The following PGAP1 variants were observed in gnomAD, a reference collection of about 807,000 sequenced individuals.
PGAP1 encodes the protein post-GPI attachment to proteins inositol deacylase 1, also known as GPI inositol-deacylase.
In PGAP1, 76 loss-of-function variants were observed where a neutral mutation model predicts 127.0. The observed-to-expected ratio is 0.60, with a 90% CI of 0.50 to 0.72. PGAP1 has a LOEUF of 0.72. Ranked by LOEUF, PGAP1 falls within the 30% of genes least tolerant of loss-of-function variation. PGAP1 has a pLI of 0.00. For synonymous variants in PGAP1, 362 were observed against 366.5 expected (o/e 0.99, Z 0.14); for missense variants, 982 against 1,071.3 (o/e 0.92, Z 1.16).
intron 1 of PGAP1, among the ~76,000 whole-genome samples, chr2:196,925,077 G>C (rs1200478585): frequency 2.0e-5 from 3 of 151,924 alleles, no homozygotes. Context: ...GGTTTGCTTA[G>C]AAATGAACAG....
In PGAP1 at chr2:196,926,597, T is replaced by TAG. The variant is rs1703370240; in HGVS notation, c.19_20insCT (p.Asn7ThrfsTer34). On this transcript the variant is annotated frameshift_variant, in exon 1 of 27. Transcript: ENST00000354764. LOFTEE classifies it high-confidence loss of function. The stretch of plus-strand genomic sequence containing the variant: ...GACATAAAACGCCAGGTTCCAGAGA[T>TAG]TAACTGAGTGAAGAAACATGGTGCC... 4 of 1,613,914 alleles carry TAG rather than the reference T, an allele frequency of 2.5e-6. No homozygotes were observed. The highest frequency in any genetic ancestry group is 3.4e-6 in the Non-Finnish European group (4 of 1,179,994).
intron 5 of PGAP1, among the ~76,000 whole-genome samples, chr2:196,898,918 T>C (rs1451436212): frequency 3.4e-5 from 5 of 148,620 alleles, no homozygotes; most frequent in Non-Finnish European, 7.5e-5. Flanking sequence ...TCCAGGGTTA[T>C]ATATTTTGAA....
intron 13 of PGAP1, among the ~76,000 whole-genome samples, chr2:196,877,404 A>G (rs1701601456): frequency 6.6e-6 from 1 of 152,134 alleles, no homozygotes; most frequent in South Asian, 2.1e-4. Flanking sequence ...GGGGTTGTAC[A>G]ACAGTAGAGT....
At chr2:196,855,269 T>C (rs1700840692) in intron 20 of PGAP1, among the ~76,000 whole-genome samples, 1 of 141,726 alleles carries the variant, frequency 7.1e-6, no homozygotes, top group Non-Finnish European at 1.5e-5. Context: ...GAAGTTGCAG[T>C]GAGCCTAGAT....
At chr2:196,916,687 C>A (rs1703020849) in intron 2 of PGAP1, 94 bp from the exon 3 acceptor site, 1 of 1,228,962 alleles carries the variant, frequency 8.1e-7, no homozygotes, top group South Asian at 2.1e-5. Flanking sequence ...CCTTATCCTG[C>A]ATCACGAATA....
chr2:196,899,649 T>C (rs569439989), intron 5 of PGAP1, among the ~76,000 whole-genome samples: 13 of 152,360 alleles, frequency 8.5e-5, no homozygotes, highest in South Asian at 2.1e-4. Context: ...TTGCTCATGA[T>C]TGTTGTGTTG....
chr2:196,857,533 T>C (rs1177986455), intron 20 of PGAP1, among the ~76,000 whole-genome samples: 1 of 152,172 alleles, frequency 6.6e-6, no homozygotes, highest in Non-Finnish European at 1.5e-5. Context: ...AATCTAACTA[T>C]GGGGTGATTG....
chr2:196,898,961 T>A lies in PGAP1; in HGVS notation c.808-592A>T, dbSNP rs114766360. Among the ~76,000 whole-genome samples, 328 of 151,344 alleles carry A rather than the reference T, an allele frequency of 2.2e-3. 1 individual carries two copies. The highest frequency in any genetic ancestry group is 7.2e-3 in the African/African-American group (297 of 41,278). On this transcript the variant is annotated intron_variant, in intron 5 of 26. Coordinates refer to ENST00000354764, the MANE Select transcript of PGAP1 (RefSeq NM_024989.4). ...AAAATCCCTAGCTGACTAGGATGTA[T>A]ACAACTAGTAAAATATACAAGGACA...
At chr2:196,897,960 G>C (rs1168537838) in intron 6 of PGAP1, among the ~76,000 whole-genome samples, 1 of 152,166 alleles carries the variant, frequency 6.6e-6, no homozygotes, top group East Asian at 1.9e-4. Context: ...GTTCACCCCT[G>C]CAATCCCAGC....
In PGAP1 at chr2:196,836,342, CAT is replaced by C. The variant is rs1249692760; in HGVS notation, c.*4890_*4891del. On this transcript the variant is annotated 3_prime_UTR_variant, in exon 27 of 27. Transcript: ENST00000354764. ...GCTTAGAATATCACCTTTTGAAGGACATGTTATGAATTTACACTGTTAATGGA... is the reference window on the plus strand; with the variant it reads ...GCTTAGAATATCACCTTTTGAAGGACGTTATGAATTTACACTGTTAATGGA... 2.2e-4 allele frequency: 33 copies of C among 152,508 alleles called. 1 individual carries two copies. Among genetic ancestry groups the C allele is most frequent in the Admixed American group, 1.6e-3 (24 of 15,270 alleles). The allele number at this position is 152,508 out of a possible 1,614,324, so 9.4% of individuals were successfully genotyped here.
At chr2:196,904,605 G>A (rs1418044783) in intron 4 of PGAP1, among the ~76,000 whole-genome samples, 1 of 152,130 alleles carries the variant, frequency 6.6e-6, no homozygotes, top group African/African-American at 2.4e-5. Flanking sequence ...GCATGCACCT[G>A]TAGTCCCAGC....
At chr2:196,882,365 A>C (rs774705937) in intron 12 of PGAP1, among the ~76,000 whole-genome samples, 9 of 152,088 alleles carry the variant, frequency 5.9e-5, no homozygotes, top group Non-Finnish European at 1.3e-4. Context: ...ATTTTAAAAT[A>C]GTTTTTTCTA....
rs1283884117 is a variant in PGAP1 at position 196,926,663 on chromosome 2, TCTC to T, written c.-50_-48del. On this transcript the variant is annotated 5_prime_UTR_variant, in exon 1 of 27. Transcript: ENST00000354764. ...GCCGCCGCCGCCCCCTCTACCTCCT[TCTC>T]CGCCGCGGGGCCCCAAGCCCGGACT... The T allele has an allele frequency of 1.2e-6, 2 of 1,611,174 alleles. No homozygotes were observed. Among genetic ancestry groups the T allele is most frequent in the South Asian group, 2.2e-5 (2 of 90,976 alleles).
At chr2:196,888,108 T>C (rs1225943506) in intron 10 of PGAP1, among the ~76,000 whole-genome samples, 1 of 152,172 alleles carries the variant, frequency 6.6e-6, no homozygotes, top group Non-Finnish European at 1.5e-5. Context: ...CAAAACACCA[T>C]GTTGATATAA....
chr2:196,847,029 AAG>A lies in PGAP1; in HGVS notation c.2122_2123del (p.Leu708PhefsTer12). On this transcript the variant is annotated frameshift_variant, in exon 22 of 27. Transcript: ENST00000354764. LOFTEE classifies it high-confidence loss of function. Reference sequence around the variant, plus strand: ...TTTTCAAAGCTAGCCACAATGAAGAAAGAAGTCTCACAGATGCAGAAGACAGT... The same window carrying A: ...TTTTCAAAGCTAGCCACAATGAAGAAAAGTCTCACAGATGCAGAAGACAGT... ...GLLSSASVRL[L>X]SSLWLALKRP... The A allele has an allele frequency of 6.2e-7, 1 of 1,613,496 alleles. No individual in the cohort carries two copies.
At chr2:196,913,135 A>G in intron 3 of PGAP1, 82 bp from the exon 4 acceptor site, 2 of 1,255,426 alleles carry the variant, frequency 1.6e-6, no homozygotes, top group Middle Eastern at 1.9e-4. Context: ...CATATGACCA[A>G]TTTTATAGGA....
chr2:196,870,878 C>G, intron 19 of PGAP1, 63 bp downstream of exon 19: 1 of 1,413,772 alleles, frequency 7.1e-7, no homozygotes, highest in East Asian at 2.3e-5. Context: ...AGTCTACAAC[C>G]CTTCCTTAGA....
At position 196,862,016 on chromosome 2, in the gene PGAP1, G is replaced by C. The variant is rs569837169; in HGVS notation, c.1861+2971C>G. 2.6e-5 allele frequency among the ~76,000 whole-genome samples: 4 copies of C among 151,332 alleles called. No homozygotes were observed. In the East Asian group the frequency reaches 5.8e-4, roughly 22 times the overall value. On this transcript the variant is annotated intron_variant, in intron 20 of 26. Coordinates refer to ENST00000354764, the MANE Select transcript of PGAP1 (RefSeq NM_024989.4). The stretch of plus-strand genomic sequence containing the variant: ...GTGTGTTTGAACAATATGAAATCTG[G>C]GCACCTTGAAAAAAGAACAGGATAA...
At chr2:196,868,126 A>G (rs1701298716) in intron 19 of PGAP1, among the ~76,000 whole-genome samples, 3 of 152,128 alleles carry the variant, frequency 2.0e-5, no homozygotes. Context: ...TTCTCTCTAT[A>G]TATATCCTCA....
Sources: allele counts gnomAD v4.1 joint callset (sites outside exome capture counted in the v4.1 genomes callset), GRCh38; gene constraint gnomAD v4.1.1; transcripts MANE v1.5; gene names NCBI Gene and HGNC (gene_info 2026-07-23, HGNC 2026-07-21).